PPP4R2: variants seen among roughly 807,000 people sequenced by gnomAD.
The protein encoded by PPP4R2 is serine/threonine-protein phosphatase 4 regulatory subunit 2.
Under a neutral mutation model 47.2 loss-of-function variants are expected in PPP4R2, and 13 were observed. That is an observed-to-expected ratio of 0.28 (90% CI 0.18 to 0.44). The LOEUF (loss-of-function observed/expected upper bound fraction) is 0.44. Among genes scored for constraint, PPP4R2 ranks in the 20% least tolerant of loss-of-function variants. PPP4R2 has a pLI of 1.00. For missense variants in PPP4R2, 421 were observed against 491.2 expected (o/e 0.86, Z 1.35); for synonymous variants, 151 against 163.3 (o/e 0.92, Z 0.57).
chr3:73,009,264 G>GT (rs1701675825), intron 2 of PPP4R2, among the ~76,000 whole-genome samples: 1 of 152,186 alleles, frequency 6.6e-6, no homozygotes, highest in African/African-American at 2.4e-5. Context: ...ATGGGACATG[G>GT]TGATAGTGCT....
intron 2 of PPP4R2, among the ~76,000 whole-genome samples, chr3:73,037,585 G>A (rs1702290576): frequency 6.6e-6 from 1 of 152,152 alleles, no homozygotes; most frequent in Non-Finnish European, 1.5e-5. Flanking sequence ...CACACAGACA[G>A]CAGCACATCA....
In PPP4R2 at chr3:73,067,314, C is replaced by A. The variant is rs1311994400; in HGVS notation, c.*1592C>A. On this transcript the variant is annotated 3_prime_UTR_variant, in exon 9 of 9. Transcript: ENST00000356692. ...ACAGTTTCTGACACTGTATAATATG[C>A]TTTTGGGTGATTTGGGGGGCAACCA... The A allele has an allele frequency of 6.6e-6, 1 of 152,038 alleles. No individual in the cohort carries two copies. The highest frequency in any genetic ancestry group is 1.5e-5 in the Non-Finnish European group (1 of 67,960). The allele number at this position is 152,038 out of a possible 1,614,324, so 9.4% of individuals were successfully genotyped here.
chr3:73,019,535 G>A (rs1293387196), intron 2 of PPP4R2, among the ~76,000 whole-genome samples: 1 of 151,964 alleles, frequency 6.6e-6, no homozygotes. Context: ...CACCACACCC[G>A]GCTAATTTTT....
rs143386769 is a variant in PPP4R2, at chr3:73,047,642, C to T, written c.287+286C>T. On this transcript the variant is annotated intron_variant, in intron 3 of 8. Transcript: ENST00000356692. ...TGTTTTATATTTGGTGTTATGTCTT[C>T]ATACTTTATATAGAACCTTTATATC... Among the ~76,000 whole-genome samples, 1,206 of 152,288 alleles carry T rather than the reference C, an allele frequency of 7.9e-3. 16 individuals are homozygous for T. The highest frequency in any genetic ancestry group is 0.028 in the African/African-American group (1,155 of 41,548).
intron 7 of PPP4R2, 149 bp from the exon 8 acceptor site, chr3:73,064,703 A>G (rs1289981401): frequency 1.4e-6 from 1 of 722,278 alleles, no homozygotes; most frequent in Non-Finnish European, 2.3e-6. Context: ...TTACCTTGAA[A>G]TTATTCTCTT....
chr3:73,000,021 GAATGAA>G (rs930780787), intron 2 of PPP4R2, among the ~76,000 whole-genome samples: 9 of 152,146 alleles, frequency 5.9e-5, no homozygotes, highest in Admixed American at 3.9e-4. Context: ...TGTAACGAGA[GAATGAA>G]AATGAAAATT....
Position 73,053,770 on chromosome 3 carries a change from G to A in PPP4R2, c.288-5267G>A, listed in dbSNP as rs1008801196. Among the ~76,000 whole-genome samples the A allele has an allele frequency of 3.3e-5, 5 of 151,816 alleles. No individual in the cohort carries two copies. The East Asian group carries it at 5.9e-4, about 18-fold the overall frequency. ...TAAAAATACAAAAAATTAGCTGGGC[G>A]TGGTGGCAGGCGCCTGTAGTCCCAG... On this transcript the variant is annotated intron_variant, in intron 3 of 8. Coordinates refer to ENST00000356692, the MANE Select transcript of PPP4R2 (RefSeq NM_174907.4).
At chr3:73,029,897 A>G (rs1193559483) in intron 2 of PPP4R2, among the ~76,000 whole-genome samples, 1 of 152,218 alleles carries the variant, frequency 6.6e-6, no homozygotes, top group Non-Finnish European at 1.5e-5. Flanking sequence ...GACATTTAAG[A>G]AAATTGTCCA....
At chr3:73,001,424 C>A (rs1013662126) in intron 2 of PPP4R2, among the ~76,000 whole-genome samples, 1 of 151,906 alleles carries the variant, frequency 6.6e-6, no homozygotes, top group African/African-American at 2.4e-5. Context: ...ATTAGCCTAA[C>A]GTGGTGGCAT....
intron 3 of PPP4R2, among the ~76,000 whole-genome samples, chr3:73,051,359 A>G (rs1016828599): frequency 2.6e-5 from 4 of 152,174 alleles, no homozygotes; most frequent in Admixed American, 2.6e-4. Context: ...AGATATTGTA[A>G]TTCTTCGGTA....
chr3:73,048,592 A>G (rs1484600997), intron 3 of PPP4R2, among the ~76,000 whole-genome samples: 1 of 152,186 alleles, frequency 6.6e-6, no homozygotes, highest in Admixed American at 6.5e-5. Context: ...ATTGAAGGGA[A>G]GAAGTGTTTG....
At chr3:73,026,882 A>G (rs947600877) in intron 2 of PPP4R2, among the ~76,000 whole-genome samples, 5 of 152,178 alleles carry the variant, frequency 3.3e-5, no homozygotes, top group Admixed American at 1.3e-4. Flanking sequence ...TTCTGAAGCC[A>G]TAAAGCCTGG....
Position 73,061,750 on chromosome 3 carries a change from C to G in PPP4R2, c.419+690C>G, listed in dbSNP as rs2231920. 1.4e-3 allele frequency: 339 copies of G among 238,778 alleles called. 1 individual carries two copies. Among genetic ancestry groups the G allele is most frequent in the African/African-American group, 7.7e-3 (327 of 42,568 alleles). The allele number at this position is 238,778 out of a possible 1,614,324, so 14.8% of individuals were successfully genotyped here. A position where few individuals can be genotyped will look rare whatever the true frequency, so the allele number is the denominator to read the frequency against. ...TTCATAGACTACTCTGTTACCCAGG[C>G]TGGAGTGCGGTGATGAGTGATCATA... is the stretch of plus-strand genomic sequence containing the variant. On this transcript the variant is annotated intron_variant, in intron 5 of 8. Coordinates refer to ENST00000356692, the MANE Select transcript of PPP4R2 (RefSeq NM_174907.4).
At chr3:73,058,356 ATATAT>A (rs1212561443) in intron 3 of PPP4R2, among the ~76,000 whole-genome samples, 1 of 152,134 alleles carries the variant, frequency 6.6e-6, no homozygotes, top group African/African-American at 2.4e-5. Flanking sequence ...GGAAAAATAC[ATATAT>A]TAAATAACCC....
chr3:73,065,649 T>G lies in PPP4R2; in HGVS notation c.1181T>G (p.Ile394Ser). 1 of 1,612,744 alleles carries G rather than the reference T, an allele frequency of 6.2e-7. No individual in the cohort carries two copies. The highest frequency in any genetic ancestry group is 8.5e-7 in the Non-Finnish European group (1 of 1,178,908). ...VGSNSSKTGEILSESSMENDD... is the reference protein window; with the variant it reads ...VGSNSSKTGESLSESSMENDD... ...TCCAATTCCAGTAAAACTGGAGAGA[T>G]TCTTTCAGAATCATCCATGGAAAAT... The change falls in exon 9 of 9, where the codon ATT becomes AGT. Residue 394 changes from isoleucine (I) to serine (S), a missense_variant. Ile to Ser is a moderately radical substitution (Grantham distance 142, BLOSUM62 -2). This residue lies in a region of PPP4R2 where 317 missense variants were observed against 287.5 expected (regional missense o/e 1.10). Coordinates refer to ENST00000356692, the MANE Select transcript of PPP4R2 (RefSeq NM_174907.4).
chr3:73,026,265 C>T (rs1702061076), intron 2 of PPP4R2, among the ~76,000 whole-genome samples: 1 of 152,160 alleles, frequency 6.6e-6, no homozygotes, highest in Admixed American at 6.6e-5. Context: ...ATTCGTACTG[C>T]CTCGTCCCAG....
Position 73,066,198 on chromosome 3 carries a change from G to T in PPP4R2, c.*476G>T, listed in dbSNP as rs1265637957. 1 of 143,964 alleles carries T rather than the reference G, an allele frequency of 6.9e-6. No individual in the cohort carries two copies. Among genetic ancestry groups the T allele is most frequent in the Non-Finnish European group, 1.5e-5 (1 of 66,224 alleles). The allele number at this position is 143,964 out of a possible 1,614,324, so 8.9% of individuals were successfully genotyped here. A position where few individuals can be genotyped will look rare whatever the true frequency, so the allele number is the denominator to read the frequency against. On this transcript the variant is annotated 3_prime_UTR_variant, in exon 9 of 9. Coordinates refer to ENST00000356692, the MANE Select transcript of PPP4R2 (RefSeq NM_174907.4). ...TTCATGCTGGTTTCCAGATTTTATT[G>T]TTTGGCTACGTACAATGGAACTTTA...
At chr3:73,060,242 C>G (rs191452663) in intron 4 of PPP4R2, among the ~76,000 whole-genome samples, 18 of 152,320 alleles carry the variant, frequency 1.2e-4, no homozygotes, top group Non-Finnish European at 2.5e-4. Context: ...CCTCTGTACA[C>G]TCAATTGAAT....
chr3:73,050,363 T>A (rs2107316708), intron 3 of PPP4R2, among the ~76,000 whole-genome samples: 1 of 152,284 alleles, frequency 6.6e-6, no homozygotes, highest in East Asian at 1.9e-4. Context: ...CATCAAGATT[T>A]TTCTATTTTT....
Sources: gnomAD v4.1 joint callset for allele counts (sites outside exome capture counted in the v4.1 genomes callset) on GRCh38, gnomAD v4.1.1 for gene constraint, gnomAD v4.1.1 regional missense constraint, MANE v1.5 for transcripts, NCBI Gene and HGNC (gene_info 2026-07-23, HGNC 2026-07-21) for gene names.